KCTD14: variants seen among roughly 807,000 people sequenced by gnomAD.
KCTD14 encodes the protein BTB/POZ domain-containing protein KCTD14.
A neutral mutation model predicts 5.9 loss-of-function variants in KCTD14; 7 were observed. That is an observed-to-expected ratio of 1.19 (90% CI 0.68 to 2.23). The LOEUF is 2.23. Among genes scored for constraint, KCTD14 ranks in the 30% most tolerant of loss-of-function variants. KCTD14 has a pLI of 0.00. For missense variants in KCTD14, 342 were observed against 332.2 expected (o/e 1.03, Z -0.23); for synonymous variants, 140 against 133.1 (o/e 1.05, Z -0.36).
upstream of KCTD14, among the ~76,000 whole-genome samples, chr11:78,026,818 G>T (rs1857479047): frequency 6.6e-6 from 1 of 152,002 alleles, no homozygotes; most frequent in Non-Finnish European, 1.5e-5. Flanking sequence ...AATATATAAG[G>T]CCAGGTGTAG....
At chr11:78,035,485 C>G (rs552974195) in intron 2 of KCTD14, among the ~76,000 whole-genome samples, 9 of 152,234 alleles carry the variant, frequency 5.9e-5, no homozygotes, top group Non-Finnish European at 1.0e-4. Flanking sequence ...CTGTTACTAA[C>G]CCTCAGGGTC....
chr11:78,024,966 T>C (rs1247037859), upstream of KCTD14, among the ~76,000 whole-genome samples: 1 of 149,050 alleles, frequency 6.7e-6, no homozygotes, highest in Non-Finnish European at 1.5e-5. Context: ...AATAATAAAA[T>C]AAAACTAATG....
chr11:78,032,720 T>C (rs1178847042), intron 2 of KCTD14, among the ~76,000 whole-genome samples: 1 of 151,298 alleles, frequency 6.6e-6, no homozygotes, highest in African/African-American at 2.4e-5. Flanking sequence ...TTTTTTTTTT[T>C]TTGAGACAGC....
chr11:78,020,540 C>T (rs567792784), intron 1 of KCTD14, among the ~76,000 whole-genome samples: 1 of 152,348 alleles, frequency 6.6e-6, no homozygotes, highest in African/African-American at 2.4e-5. Flanking sequence ...AACCTCAAGG[C>T]CCCTTGGCAG....
At chr11:78,042,416 G>A (rs1448132612) in intron 1 of KCTD14, among the ~76,000 whole-genome samples, 1 of 152,058 alleles carries the variant, frequency 6.6e-6, no homozygotes, top group African/African-American at 2.4e-5. Context: ...CCTGAGGCAC[G>A]AGAATTGCTT....
chr11:78,017,040 G>T lies in KCTD14; in HGVS notation c.321C>A (p.Tyr107Ter). The change falls in exon 2 of 2, where the codon TAC becomes TAA. Residue 107 changes from tyrosine (Y) to a stop codon, truncating the protein, a stop_gained. Transcript: ENST00000353172. LOFTEE classifies it low-confidence loss of function (END_TRUNC). Reference protein sequence around the residue: ...QVPTQHIPEVYREAQFYEIKP... With the variant: ...QVPTQHIPEV Reference sequence around the variant, plus strand: ...TGATTTCGTAGAACTGAGCCTCACGGTACACTTCAGGGATGTGCTGTGTGG... The same window carrying T: ...TGATTTCGTAGAACTGAGCCTCACGTTACACTTCAGGGATGTGCTGTGTGG... 1 of 1,614,228 alleles carries T rather than the reference G, an allele frequency of 6.2e-7. No homozygotes were observed. Among genetic ancestry groups the T allele is most frequent in the Non-Finnish European group, 8.5e-7 (1 of 1,180,056 alleles).
chr11:78,032,861 T>A (rs1278336855), intron 2 of KCTD14, among the ~76,000 whole-genome samples: 1 of 152,036 alleles, frequency 6.6e-6, no homozygotes, highest in African/African-American at 2.4e-5. Context: ...AAATTTTTTT[T>A]ATAGAGCTGG....
At chr11:78,021,223 G>T (rs570326657) in intron 1 of KCTD14, among the ~76,000 whole-genome samples, 1 of 144,704 alleles carries the variant, frequency 6.9e-6, no homozygotes, top group Non-Finnish European at 1.5e-5. Context: ...GCTTGAACCC[G>T]GAAGGCAGAG....
intron 2 of KCTD14, among the ~76,000 whole-genome samples, chr11:78,029,883 A>C (rs12421739): frequency 6.6e-6 from 1 of 151,180 alleles, no homozygotes; most frequent in Non-Finnish European, 1.5e-5. Context: ...CCAGGTTCAT[A>C]CCATTCTCCT....
chr11:78,032,020 CTTTA>C (rs1183832413), intron 2 of KCTD14, among the ~76,000 whole-genome samples: 1 of 152,176 alleles, frequency 6.6e-6, no homozygotes, highest in Non-Finnish European at 1.5e-5. Flanking sequence ...CCAGGGAATT[CTTTA>C]TTTAGAAGCA....
At chr11:78,029,045 C>T (rs1307692478) in intron 2 of KCTD14, among the ~76,000 whole-genome samples, 11 of 151,898 alleles carry the variant, frequency 7.2e-5, no homozygotes, top group Admixed American at 1.3e-4. Context: ...ATTAGCTGGG[C>T]ATGGTGGTGC....
At chr11:78,018,122 CAAT>C (rs1857219919) in intron 1 of KCTD14, among the ~76,000 whole-genome samples, 1 of 152,030 alleles carries the variant, frequency 6.6e-6, no homozygotes, top group Admixed American at 6.6e-5. Flanking sequence ...ACAACAACAA[CAAT>C]AACAGAAGAA....
At chr11:78,045,358 C>T (rs1858105233) in intron 1 of KCTD14, among the ~76,000 whole-genome samples, 1 of 152,206 alleles carries the variant, frequency 6.6e-6, no homozygotes, top group African/African-American at 2.4e-5. Flanking sequence ...CTGCCTTGGC[C>T]TCCCAAAGTA....
intron 1 of KCTD14, among the ~76,000 whole-genome samples, chr11:78,045,314 G>A (rs1487518674): frequency 1.3e-5 from 2 of 152,184 alleles, no homozygotes; most frequent in African/African-American, 4.8e-5. Context: ...ATGTTGCCCA[G>A]AGTGGTCTTG....
rs1249174959 is a variant in KCTD14, at chr11:78,039,212, CATTTAAAATATTT to C, written c.-95-467_-95-455del. Among the ~76,000 whole-genome samples the C allele has an allele frequency of 1.3e-4, 20 of 152,136 alleles. No individual in the cohort carries two copies. In the East Asian group the frequency reaches 3.9e-3, roughly 29 times the overall value. ...TCCACTAACAAAACTTGAATCATGC[CATTTAAAATATTT>C]ATTTAACCAGGCCAGGTGCGGCAGT... On this transcript the variant is annotated intron_variant, in intron 1 of 2. Coordinates refer to the KCTD14 transcript ENST00000533144.
At chr11:78,023,279 C>T (rs1857357737), upstream of KCTD14, 1 of 1,604,012 alleles carries the variant, frequency 6.2e-7, no homozygotes, top group South Asian at 1.1e-5. Context: ...GGAAGTGCCC[C>T]TGGCTGCCCG....
intron 2 of KCTD14, among the ~76,000 whole-genome samples, chr11:78,033,901 G>GTATATATATATATATATATATATATA (rs1555054302): frequency 1.7e-5 from 2 of 115,580 alleles, no homozygotes; most frequent in African/African-American, 7.0e-5. Flanking sequence ...GTGTGTGTGT[G>GTATATATATATATATATATATATATA]TATATATATA....
intron 2 of KCTD14, among the ~76,000 whole-genome samples, chr11:78,029,220 A>C (rs1857551660): frequency 6.6e-6 from 1 of 151,982 alleles, no homozygotes; most frequent in African/African-American, 2.4e-5. Context: ...GTATGAAAAC[A>C]AAACAAGGGG....
intron 2 of KCTD14, chr11:78,038,542 C>G: frequency 2.6e-6 from 3 of 1,173,702 alleles, no homozygotes; most frequent in Non-Finnish European, 2.4e-6. Context: ...CATCTGGCTC[C>G]CCGCTCACTG....
Sources: gnomAD v4.1 joint callset for allele counts (sites outside exome capture counted in the v4.1 genomes callset) on GRCh38, gnomAD v4.1.1 for gene constraint, MANE v1.5 for transcripts, NCBI Gene and HGNC (gene_info 2026-07-23, HGNC 2026-07-21) for gene names.